Variants in GRIK1 observed in about 807,000 individuals in gnomAD.
The protein encoded by GRIK1 is glutamate receptor ionotropic, kainate 1.
A neutral mutation model predicts 105.7 loss-of-function variants in GRIK1; 69 were observed. The ratio of observed to expected loss-of-function variants is 0.65; its 90% CI spans 0.54 to 0.80. GRIK1 has a LOEUF of 0.80. GRIK1 is among the 30% of genes least tolerant of loss of function. GRIK1 has a pLI of 0.00. For missense variants in GRIK1, 1,109 were observed against 1,167.3 expected (o/e 0.95, Z 0.73); for synonymous variants, 438 against 431.3 (o/e 1.02, Z -0.19).
At chr21:29,743,652 G>A (rs1396788989) in intron 1 of GRIK1, among the ~76,000 whole-genome samples, 2 of 152,072 alleles carry the variant, frequency 1.3e-5, no homozygotes, top group Admixed American at 6.6e-5. Flanking sequence ...CTGAGATGGA[G>A]CCACTGCACT....
chr21:29,584,926 T>C (rs2091097942), intron 12 of GRIK1, among the ~76,000 whole-genome samples: 3 of 152,188 alleles, frequency 2.0e-5, no homozygotes, highest in Admixed American at 2.0e-4. Flanking sequence ...AGTGGCTTTA[T>C]GAAGCAGAAG....
At chr21:29,740,354 A>G (rs904505639) in intron 1 of GRIK1, among the ~76,000 whole-genome samples, 2 of 151,690 alleles carry the variant, frequency 1.3e-5, no homozygotes, top group African/African-American at 4.8e-5. Flanking sequence ...AGTAGTTGGG[A>G]CTACAGGTAC....
intron 1 of GRIK1, among the ~76,000 whole-genome samples, chr21:29,935,884 A>G (rs950332610): frequency 2.6e-4 from 39 of 152,224 alleles, no homozygotes; most frequent in African/African-American, 8.9e-4. Flanking sequence ...AGATACACCA[A>G]TCAACTGTTA....
intron 1 of GRIK1, among the ~76,000 whole-genome samples, chr21:29,791,518 A>G (rs1271213495): frequency 6.6e-6 from 1 of 151,016 alleles, no homozygotes; most frequent in Non-Finnish European, 1.5e-5. Context: ...GTGGGGGGGG[A>G]ATTTAAATAG....
At chr21:29,697,527 C>T (rs918901092) in intron 1 of GRIK1, among the ~76,000 whole-genome samples, 2 of 151,970 alleles carry the variant, frequency 1.3e-5, no homozygotes, top group African/African-American at 4.8e-5. Flanking sequence ...GTCATTAGCT[C>T]AAGACCCCAT....
chr21:29,878,398 A>C (rs1010843400), intron 1 of GRIK1, among the ~76,000 whole-genome samples: 2 of 152,102 alleles, frequency 1.3e-5, no homozygotes, highest in Non-Finnish European at 2.9e-5. Flanking sequence ...GAATGGTGCT[A>C]TGATGGAAGT....
chr21:29,647,500 G>A (rs1330288700), intron 6 of GRIK1, among the ~76,000 whole-genome samples: 1 of 152,200 alleles, frequency 6.6e-6, no homozygotes, highest in Admixed American at 6.5e-5. Flanking sequence ...TAAGGGAAAT[G>A]TTTACAGGCA....
At chr21:29,700,723 A>G (rs1330106529) in intron 1 of GRIK1, among the ~76,000 whole-genome samples, 1 of 152,170 alleles carries the variant, frequency 6.6e-6, no homozygotes, top group Non-Finnish European at 1.5e-5. Flanking sequence ...TGTTGTGGGT[A>G]AGAACCTTAA....
At chr21:29,830,332 C>A (rs766964559) in intron 1 of GRIK1, among the ~76,000 whole-genome samples, 11,137 of 133,572 alleles carry the variant, frequency 0.083, 527 homozygotes, top group Non-Finnish European at 0.098. Context: ...CACACACACA[C>A]ACACACACAC....
intron 1 of GRIK1, among the ~76,000 whole-genome samples, chr21:29,872,138 T>C (rs112802238): frequency 4.5e-4 from 69 of 152,058 alleles, no homozygotes; most frequent in African/African-American, 1.5e-3. Context: ...TTGCTATATG[T>C]ATACATTGTG....
intron 1 of GRIK1, among the ~76,000 whole-genome samples, chr21:29,835,218 C>G (rs1397772355): frequency 6.6e-6 from 1 of 152,136 alleles, no homozygotes; most frequent in African/African-American, 2.4e-5. Flanking sequence ...TTCATGGGGA[C>G]TTACCTACCC....
At chr21:29,727,618 T>C in intron 1 of GRIK1, among the ~76,000 whole-genome samples, 1 of 152,182 alleles carries the variant, frequency 6.6e-6, no homozygotes, top group Non-Finnish European at 1.5e-5. Context: ...AATTCACACA[T>C]AATAGTTTCT....
intron 1 of GRIK1, among the ~76,000 whole-genome samples, chr21:29,930,346 C>G (rs2071524421): frequency 6.6e-6 from 1 of 152,118 alleles, no homozygotes; most frequent in East Asian, 1.9e-4. Context: ...AGTATGTAAT[C>G]CAACATTTTA....
At chr21:29,614,402 C>CTTTTTTTTTTTT (rs35063316) in intron 7 of GRIK1, among the ~76,000 whole-genome samples, 1 of 83,070 alleles carries the variant, frequency 1.2e-5, no homozygotes, top group African/African-American at 4.9e-5. Flanking sequence ...TAAAATCCCT[C>CTTTTTTTTTTTT]TTTTTTTTTT....
intron 7 of GRIK1, among the ~76,000 whole-genome samples, chr21:29,625,165 T>C (rs1036644275): frequency 6.6e-6 from 1 of 152,218 alleles, no homozygotes; most frequent in African/African-American, 2.4e-5. Context: ...TCGTAATATA[T>C]ACCTCACGCC....
At chr21:29,690,051 T>G (rs2063558219) in intron 2 of GRIK1, 66 bp from the exon 3 acceptor site, 1 of 1,267,968 alleles carries the variant, frequency 7.9e-7, no homozygotes, top group Non-Finnish European at 1.1e-6. Context: ...AAAAAGAGAG[T>G]TCTATGAATT....
chr21:29,562,688 AT>A (rs1238590455), intron 14 of GRIK1, among the ~76,000 whole-genome samples: 2 of 152,044 alleles, frequency 1.3e-5, no homozygotes, highest in Non-Finnish European at 2.9e-5. Context: ...TTCATACTGT[AT>A]TTATATGCCT....
At chr21:29,848,378 T>C (rs1024199747) in intron 1 of GRIK1, among the ~76,000 whole-genome samples, 10 of 152,170 alleles carry the variant, frequency 6.6e-5, no homozygotes, top group Admixed American at 2.6e-4. Flanking sequence ...TTCTCCATTA[T>C]GTTTTCCAAC....
chr21:29,880,733 T>C (rs1358381418), intron 1 of GRIK1, among the ~76,000 whole-genome samples: 1 of 152,152 alleles, frequency 6.6e-6, no homozygotes. Context: ...TTAATGCTGA[T>C]TTGTGGCAAT....
Sources: gnomAD v4.1 joint callset for allele counts (sites outside exome capture counted in the v4.1 genomes callset) on GRCh38, gnomAD v4.1.1 for gene constraint, MANE v1.5 for transcripts, NCBI Gene and HGNC (gene_info 2026-07-23, HGNC 2026-07-21) for gene names.